The following WBP1L variants were observed in gnomAD, a reference collection of about 807,000 sequenced individuals.
The protein encoded by WBP1L is WW domain binding protein 1-like.
A neutral mutation model predicts 33.7 loss-of-function variants in WBP1L; 17 were observed. The observed-to-expected ratio is 0.50, with a 90% confidence interval of 0.34 to 0.76. The LOEUF is 0.76. WBP1L is among the 30% of genes least tolerant of loss of function. The pLI is 0.01. For synonymous variants in WBP1L, 173 were observed against 190.8 expected (o/e 0.91, Z 0.77); for missense variants, 389 against 469.4 (o/e 0.83, Z 1.58).
chr10:102,763,617 A>G (rs1035551449), intron 1 of WBP1L, among the ~76,000 whole-genome samples: 1 of 152,200 alleles, frequency 6.6e-6, no homozygotes, highest in Non-Finnish European at 1.5e-5. Flanking sequence ...CTGGAGTCCC[A>G]TGGGAAGACC....
intron 1 of WBP1L, among the ~76,000 whole-genome samples, chr10:102,786,147 T>A (rs990095591): frequency 6.6e-6 from 1 of 152,210 alleles, no homozygotes; most frequent in Non-Finnish European, 1.5e-5. Context: ...CAGTGCAGCT[T>A]TGGCAGTAAC....
At chr10:102,746,423 T>G (rs1215519447) in intron 1 of WBP1L, among the ~76,000 whole-genome samples, 3 of 152,068 alleles carry the variant, frequency 2.0e-5, no homozygotes, top group African/African-American at 7.2e-5. Context: ...CCACATACCC[T>G]CACTCCTGAC....
chr10:102,746,463 A>T (rs1163712146), intron 1 of WBP1L, among the ~76,000 whole-genome samples: 1 of 152,074 alleles, frequency 6.6e-6, no homozygotes, highest in East Asian at 1.9e-4. Context: ...CCCCCACCTT[A>T]TACTCCTGTC....
intron 2 of WBP1L, among the ~76,000 whole-genome samples, chr10:102,808,029 G>A (rs1228839533): frequency 1.3e-5 from 2 of 151,938 alleles, no homozygotes; most frequent in East Asian, 1.9e-4. Flanking sequence ...AACACAGGGA[G>A]AAAGCCAGGC....
At chr10:102,803,119 C>T (rs537687650) in intron 2 of WBP1L, among the ~76,000 whole-genome samples, 12 of 152,332 alleles carry the variant, frequency 7.9e-5, no homozygotes, top group African/African-American at 2.9e-4. Context: ...TCTTCCACGT[C>T]TGCAGTCATG....
At chr10:102,769,137 C>T (rs750261548) in intron 1 of WBP1L, among the ~76,000 whole-genome samples, 21 of 152,268 alleles carry the variant, frequency 1.4e-4, no homozygotes, top group South Asian at 2.1e-4. Context: ...AGGTGTACGC[C>T]GCCATGCCTG....
intron 1 of WBP1L, chr10:102,746,066 G>A: frequency 1.1e-6 from 1 of 873,656 alleles, no homozygotes; most frequent in Non-Finnish European, 1.4e-6. Flanking sequence ...GTTTAGGAAT[G>A]TCAGAGCCTT....
At chr10:102,784,791 G>C (rs1843390057) in intron 1 of WBP1L, among the ~76,000 whole-genome samples, 1 of 151,876 alleles carries the variant, frequency 6.6e-6, no homozygotes, top group African/African-American at 2.4e-5. Flanking sequence ...AAACTCCTGG[G>C]CTCAAGCAGT....
intron 1 of WBP1L, among the ~76,000 whole-genome samples, chr10:102,771,665 G>A (rs1843188223): frequency 2.0e-5 from 3 of 151,872 alleles, no homozygotes; most frequent in Admixed American, 2.0e-4. Context: ...AAAATTAGCT[G>A]GGAGTGGTGG....
Position 102,794,706 on chromosome 10 carries a change from G to A in WBP1L, c.91-3287G>A, listed in dbSNP as rs1330355789. On this transcript the variant is annotated intron_variant, in intron 1 of 3. Coordinates refer to ENST00000448841, the MANE Select transcript of WBP1L (RefSeq NM_001083913.2). Reference sequence around the variant, plus strand: ...CGAGGCTGCAGTTAGCTGTGATCAGGCCACTCTACTCCAGCCTGGGCAACA... The same window carrying A: ...CGAGGCTGCAGTTAGCTGTGATCAGACCACTCTACTCCAGCCTGGGCAACA... Among the ~76,000 whole-genome samples the A allele has an allele frequency of 2.0e-5, 3 of 152,074 alleles. No individual in the cohort carries two copies. The East Asian group carries it at 5.8e-4, about 29-fold the overall frequency.
At chr10:102,761,768 C>T (rs1049089178) in intron 1 of WBP1L, among the ~76,000 whole-genome samples, 9 of 151,930 alleles carry the variant, frequency 5.9e-5, no homozygotes, top group Non-Finnish European at 1.0e-4. Context: ...AGGCTTGTCT[C>T]GAACTCCAGA....
At chr10:102,809,022 TC>T (rs1269506878) in intron 2 of WBP1L, among the ~76,000 whole-genome samples, 1 of 152,204 alleles carries the variant, frequency 6.6e-6, no homozygotes, top group Non-Finnish European at 1.5e-5. Context: ...ACTTGTGCCT[TC>T]CCCCAAGGTG....
rs1466188784 is a variant in WBP1L, at chr10:102,813,436, T to G, written c.*105T>G. ...TCAAAGACTTTCAGAGTACAGCCAC[T>G]TGGTTCCTTTTTGTTTGTTTTCCTT... On this transcript the variant is annotated 3_prime_UTR_variant, in exon 4 of 4. Transcript: ENST00000448841. 2.8e-6 allele frequency: 4 copies of G among 1,417,212 alleles called. No individual in the cohort carries two copies. The East Asian group carries it at 9.6e-5, about 34-fold the overall frequency. 87.8% of individuals were successfully genotyped at this position (1,417,212 alleles called of 1,614,324 possible).
chr10:102,761,261 T>G (rs1244474123), intron 1 of WBP1L, among the ~76,000 whole-genome samples: 1 of 151,298 alleles, frequency 6.6e-6, no homozygotes, highest in Non-Finnish European at 1.5e-5. Flanking sequence ...TGCCTCAGCC[T>G]CTCAAGTAGC....
chr10:102,801,719 TAGGAGGGAGAGG>T (rs1428599676), intron 2 of WBP1L, among the ~76,000 whole-genome samples: 20 of 152,158 alleles, frequency 1.3e-4, no homozygotes, highest in African/African-American at 4.8e-4. Context: ...GTTTGGGCTT[TAGGAGGGAGAGG>T]GGTATGTTTC....
intron 1 of WBP1L, chr10:102,746,082 A>G: frequency 1.1e-6 from 1 of 951,712 alleles, no homozygotes; most frequent in Non-Finnish European, 1.3e-6. Flanking sequence ...GCCTTTGGAG[A>G]TGGGCTGGTC....
At chr10:102,778,614 C>T (rs1564761040) in intron 1 of WBP1L, among the ~76,000 whole-genome samples, 1 of 152,160 alleles carries the variant, frequency 6.6e-6, no homozygotes, top group Admixed American at 6.6e-5. Context: ...GCCCTTCCTG[C>T]CCTAGGCTTC....
chr10:102,812,571 C>T, intron 3 of WBP1L, 24 bp from the exon 4 acceptor site: 1 of 1,547,122 alleles, frequency 6.5e-7, no homozygotes, highest in Non-Finnish European at 8.7e-7. Context: ...GCAGTAATTT[C>T]TCCTTCCTAC....
intron 2 of WBP1L, among the ~76,000 whole-genome samples, chr10:102,800,007 A>G (rs7092346): frequency 0.52 from 78,836 of 151,982 alleles, 21,480 homozygotes; most frequent in Middle Eastern, 0.63. Flanking sequence ...GGAGAGCACA[A>G]GGCTCAAGAT....
Sources: gnomAD v4.1 joint callset for allele counts (sites outside exome capture counted in the v4.1 genomes callset) on GRCh38, gnomAD v4.1.1 for gene constraint, MANE v1.5 for transcripts, NCBI Gene and HGNC (gene_info 2026-07-23, HGNC 2026-07-21) for gene names.